The following GCH1 variants were observed in gnomAD, a reference collection of about 807,000 sequenced individuals.
The protein encoded by GCH1 is GTP cyclohydrolase 1, also known as GTP cyclohydrolase I.
GCH1 carries 5 observed loss-of-function variants against 25.9 expected under a neutral mutation model. The ratio of observed to expected loss-of-function variants is 0.19; its 90% CI spans 0.10 to 0.41. GCH1 has a LOEUF of 0.41. GCH1 is among the 10% of genes least tolerant of loss of function. The pLI, the probability that GCH1 is intolerant of heterozygous loss-of-function variation, is 1.00. For synonymous variants in GCH1, 159 were observed against 129.6 expected (o/e 1.23, Z -1.54); for missense variants, 261 against 336.5 (o/e 0.78, Z 1.75).
In GCH1 at chr14:54,902,329, G is replaced by C. The variant is rs747691325; in HGVS notation, c.335C>G (p.Thr112Ser). 3.1e-6 allele frequency: 5 copies of C among 1,612,404 alleles called. No individual in the cohort carries two copies. Among genetic ancestry groups the C allele is most frequent in the Non-Finnish European group, 4.2e-6 (5 of 1,179,768 alleles). The change falls in exon 1 of 6, where the codon ACC becomes AGC. Residue 112 changes from threonine (T) to serine (S), a missense_variant. Physicochemically the swap from Thr to Ser is moderately conservative, Grantham distance 58. Around this residue, in one of 3 missense-constraint regions of GCH1, gnomAD observed 130 missense variants for 184.1 expected, o/e 0.71. Transcript: ENST00000491895. ...MQFFTKGYQE[T>S]ISDVLNDAIF... ...CCCGCGGGCGCACTGACCTGAGATG[G>C]TCTCCTGGTAGCCCTTGGTGAAGAA...
At chr14:54,899,654 T>C (rs948928230) in intron 1 of GCH1, among the ~76,000 whole-genome samples, 6 of 152,052 alleles carry the variant, frequency 3.9e-5, no homozygotes, top group African/African-American at 1.4e-4. Context: ...AAAATATATA[T>C]AAAATTGGTC....
rs529713944 is a variant in GCH1 at position 54,895,804 on chromosome 14, G to T, written c.343+6517C>A. The stretch of plus-strand genomic sequence containing the variant: ...AGGACAGCCAGTTCCTGGGAGAGAT[G>T]ATAGCGTCTCCTCCAGCCCTCCCTC... On this transcript the variant is annotated intron_variant, in intron 1 of 5. Transcript: ENST00000491895. Among the ~76,000 whole-genome samples the T allele has an allele frequency of 5.1e-4, 78 of 152,296 alleles. 1 individual carries two copies. Among genetic ancestry groups the T allele is most frequent in the African/African-American group, 1.9e-3 (78 of 41,556 alleles).
At chr14:54,848,299 G>A (rs2039675625) in intron 3 of GCH1, among the ~76,000 whole-genome samples, 1 of 151,972 alleles carries the variant, frequency 6.6e-6, no homozygotes, top group Non-Finnish European at 1.5e-5. Context: ...ACCATGCTCG[G>A]CTAATTTTTG....
chr14:54,891,763 C>T (rs748066573), intron 1 of GCH1, among the ~76,000 whole-genome samples: 2 of 152,246 alleles, frequency 1.3e-5, no homozygotes, highest in Non-Finnish European at 2.9e-5. Flanking sequence ...GATGAAATCT[C>T]CAGCCCTTCT....
At chr14:54,860,390 G>A (rs2039877652) in intron 2 of GCH1, among the ~76,000 whole-genome samples, 1 of 152,088 alleles carries the variant, frequency 6.6e-6, no homozygotes, top group Non-Finnish European at 1.5e-5. Context: ...GTAAGCATAA[G>A]TATTGCCATT....
At chr14:54,882,766 G>A (rs184010612) in intron 1 of GCH1, among the ~76,000 whole-genome samples, 344 of 152,160 alleles carry the variant, frequency 2.3e-3, no homozygotes, top group Admixed American at 4.5e-3. Context: ...TATACCACGA[G>A]ATTTCATACA....
At chr14:54,884,324 T>C (rs2040315526) in intron 1 of GCH1, among the ~76,000 whole-genome samples, 1 of 152,018 alleles carries the variant, frequency 6.6e-6, no homozygotes, top group South Asian at 2.1e-4. Flanking sequence ...GAGGGTTTCC[T>C]AGAAAGGGAA....
chr14:54,899,369 G>GA (rs1459827563), intron 1 of GCH1, among the ~76,000 whole-genome samples: 2 of 152,084 alleles, frequency 1.3e-5, no homozygotes, highest in African/African-American at 4.8e-5. Context: ...GCTGAGGTGG[G>GA]ATCACTTGAG....
rs1396447553 is a variant in GCH1 at position 54,902,556 on chromosome 14, C to T, written c.108G>A (p.Ala36=). The part of the protein sequence containing the change: ...DPPRPGPSRP[A]EKPPRPEAKS... ...TGGCCTCGGGCCGCGGGGGCTTCTC[C>T]GCCGGCCTGCTGGGCCCGGGCCGCG... is the stretch of plus-strand genomic sequence containing the variant. The change falls in exon 1 of 6, where the codon GCG becomes GCA. Residue 36 remains alanine (A), a synonymous_variant. Transcript: ENST00000491895. 1.3e-6 allele frequency: 2 copies of T among 1,525,148 alleles called. No individual in the cohort carries two copies. Among genetic ancestry groups the T allele is most frequent in the South Asian group, 2.5e-5 (2 of 80,940 alleles). The allele number at this position is 1,525,148 out of a possible 1,614,324, so 94.5% of individuals were successfully genotyped here.
intron 1 of GCH1, among the ~76,000 whole-genome samples, chr14:54,890,980 A>T (rs2040415092): frequency 2.0e-5 from 3 of 152,184 alleles, no homozygotes; most frequent in Admixed American, 6.5e-5. Flanking sequence ...TTTCCCCTTT[A>T]ACAGTGACTA....
Position 54,853,145 on chromosome 14 carries a change from G to C in GCH1, c.510-6015C>G, listed in dbSNP as rs546838536. Among the ~76,000 whole-genome samples, 8 of 152,174 alleles carry C rather than the reference G, an allele frequency of 5.3e-5. No homozygotes were observed. The South Asian group carries it at 6.2e-4, about 12-fold the overall frequency. On this transcript the variant is annotated intron_variant, in intron 3 of 5. Transcript: ENST00000491895. ...TGCCCAGCTAATTTTTGTATTTTTA[G>C]TAGAGATGGGGTTTCACCATGCTGG...
chr14:54,882,217 G>A (rs1595010089), intron 1 of GCH1, among the ~76,000 whole-genome samples: 1 of 152,226 alleles, frequency 6.6e-6, no homozygotes, highest in Non-Finnish European at 1.5e-5. Flanking sequence ...AGAGCTCAAG[G>A]GTGTTGGACA....
At chr14:54,861,244 T>C (rs2140066470) in intron 2 of GCH1, among the ~76,000 whole-genome samples, 1 of 152,282 alleles carries the variant, frequency 6.6e-6, no homozygotes, top group South Asian at 2.1e-4. Context: ...GCCTTCCTGG[T>C]TGGCAGGAGG....
rs1265248800 is a variant in GCH1, at chr14:54,880,742, TATATATATACTCC to T, written c.344-15319_344-15307del. Among the ~76,000 whole-genome samples, 20 of 66,536 alleles carry T rather than the reference TATATATATACTCC, an allele frequency of 3.0e-4. 6 individuals are homozygous for T. Among genetic ancestry groups the T allele is most frequent in the South Asian group, 8.9e-4 (2 of 2,236 alleles). The allele number at this position is 66,536 out of a possible 152,430, so 43.7% of individuals were successfully genotyped here. On this transcript the variant is annotated intron_variant, in intron 1 of 5. Coordinates refer to ENST00000491895, the MANE Select transcript of GCH1 (RefSeq NM_000161.3). ...TACTCATATATATATATATACTCCA[TATATATATACTCC>T]ATATATATATATATACTCCATATAT...
intron 1 of GCH1, among the ~76,000 whole-genome samples, chr14:54,874,572 A>C (rs2040130513): frequency 6.6e-6 from 1 of 152,226 alleles, no homozygotes; most frequent in Admixed American, 6.5e-5. Flanking sequence ...TGCAGATGAC[A>C]TGATTGTATA....
intron 3 of GCH1, among the ~76,000 whole-genome samples, chr14:54,850,135 A>T (rs1464273407): frequency 6.6e-6 from 1 of 151,828 alleles, no homozygotes; most frequent in Admixed American, 6.6e-5. Flanking sequence ...CACCACACCC[A>T]GCTAATTTTT....
chr14:54,890,876 T>C (rs1404891741), intron 1 of GCH1, among the ~76,000 whole-genome samples: 2 of 152,210 alleles, frequency 1.3e-5, no homozygotes, highest in African/African-American at 2.4e-5. Context: ...ATCTGGACTT[T>C]CCTGTCTCTC....
intron 3 of GCH1, among the ~76,000 whole-genome samples, chr14:54,850,755 T>G (rs939467867): frequency 2.6e-5 from 4 of 152,166 alleles, no homozygotes; most frequent in African/African-American, 9.7e-5. Flanking sequence ...TGCGATAGTT[T>G]GCTCAGAATG....
At chr14:54,901,911 G>T (rs1595030470) in intron 1 of GCH1, among the ~76,000 whole-genome samples, 2 of 152,210 alleles carry the variant, frequency 1.3e-5, no homozygotes, top group South Asian at 4.1e-4. Context: ...GAACTACCCA[G>T]GAAGCCGTCG....
Sources: allele counts gnomAD v4.1 joint callset (sites outside exome capture counted in the v4.1 genomes callset), GRCh38; gene constraint gnomAD v4.1.1; regional missense constraint gnomAD v4.1.1; transcripts MANE v1.5; gene names NCBI Gene and HGNC (gene_info 2026-07-23, HGNC 2026-07-21).